The following URI1 variants were observed in gnomAD, a reference collection of about 807,000 sequenced individuals.
The protein encoded by URI1 is URI1 prefoldin like chaperone.
URI1 carries 39 observed loss-of-function variants against 60.2 expected under a neutral mutation model. The ratio of observed to expected loss-of-function variants is 0.65; its 90% CI spans 0.50 to 0.85. URI1 has a LOEUF of 0.85. Among genes scored for constraint, URI1 ranks in the 40% least tolerant of loss-of-function variants. The pLI, the probability that URI1 is intolerant of heterozygous loss-of-function variation, is 0.00. For synonymous variants in URI1, 251 were observed against 236.8 expected, an observed-to-expected ratio of 1.06 and a Z score of -0.55; for missense variants, 691 against 665.9, an observed-to-expected ratio of 1.04 and a Z score of -0.42.
At chr19:29,935,003 C>T (rs1435038223) in intron 1 of URI1, among the ~76,000 whole-genome samples, 5 of 152,182 alleles carry the variant, frequency 3.3e-5, no homozygotes, top group Non-Finnish European at 7.3e-5. Flanking sequence ...AGTCCATTTA[C>T]ATTTAAAGTA....
At chr19:29,984,377 T>C (rs868806237) in intron 2 of URI1, among the ~76,000 whole-genome samples, 4 of 152,054 alleles carry the variant, frequency 2.6e-5, no homozygotes, top group Middle Eastern at 3.2e-3. Flanking sequence ...TGCAGTGAGC[T>C]GAGATTGTGC....
At chr19:30,005,531 C>A in intron 5 of URI1, 79 bp downstream of exon 5, 1 of 1,486,496 alleles carries the variant, frequency 6.7e-7, no homozygotes, top group Non-Finnish European at 9.1e-7. Flanking sequence ...AGCCAAGGAA[C>A]AAATTAATTG....
At chr19:29,948,016 C>T (rs168035) in intron 1 of URI1, among the ~76,000 whole-genome samples, 3,790 of 152,264 alleles carry the variant, frequency 0.025, 167 homozygotes, top group African/African-American at 0.086. Context: ...GTTGTCCCAT[C>T]AGCATTTATT....
chr19:30,014,963 C>G lies in URI1; in HGVS notation c.1502C>G (p.Ala501Gly). 1 of 1,613,848 alleles carries G rather than the reference C, an allele frequency of 6.2e-7. No individual in the cohort carries two copies. Among genetic ancestry groups the G allele is most frequent in the Non-Finnish European group, 8.5e-7 (1 of 1,179,780 alleles). ...CCACCCCCAGCCATTGCTCATCCCG[C>G]ACTACCCACTATTCCAGAACGAAAG... ...LTPPPAIAHP[A>G]LPTIPERKEV... Residue 501 changes from alanine to glycine, a missense_variant, in exon 11 of 11, where the codon GCA becomes GGA. Coordinates refer to ENST00000392271, the MANE Select transcript of URI1 (RefSeq NM_003796.3).
Position 30,015,213 on chromosome 19 carries a change from G to A in URI1, c.*144G>A. 7.0e-7 allele frequency: 1 copy of A among 1,418,970 alleles called. No individual in the cohort carries two copies. Among genetic ancestry groups the A allele is most frequent in the Non-Finnish European group, 9.2e-7 (1 of 1,089,222 alleles). The allele number at this position is 1,418,970 out of a possible 1,614,324, so 87.9% of individuals were successfully genotyped here. On this transcript the variant is annotated 3_prime_UTR_variant, in exon 11 of 11. Transcript: ENST00000392271. Reference sequence around the variant, plus strand: ...ACAAGTTCTTTTACCCTTACCCGTGGTATTTGAAAAAAATCAAGGTAACTG... The same window carrying A: ...ACAAGTTCTTTTACCCTTACCCGTGATATTTGAAAAAAATCAAGGTAACTG...
chr19:30,000,691 TC>T (rs1161231526), intron 4 of URI1, among the ~76,000 whole-genome samples: 1 of 151,968 alleles, frequency 6.6e-6, no homozygotes, highest in Non-Finnish European at 1.5e-5. Context: ...GCTTTGAGAT[TC>T]CTTTTTGGTC....
chr19:29,940,154 G>T (rs572653855), upstream of URI1, among the ~76,000 whole-genome samples: 114 of 152,288 alleles, frequency 7.5e-4, 1 homozygote, highest in Admixed American at 7.4e-3. Context: ...GGTTGATTCA[G>T]CCCTGGATCA....
At chr19:29,997,788 T>A (rs1183704059) in intron 4 of URI1, among the ~76,000 whole-genome samples, 1 of 152,094 alleles carries the variant, frequency 6.6e-6, no homozygotes, top group Non-Finnish European at 1.5e-5. Flanking sequence ...TGAGACAGAG[T>A]CTCACTCACT....
upstream of URI1, among the ~76,000 whole-genome samples, chr19:29,941,628 A>T (rs4805505): frequency 0.77 from 105,042 of 136,216 alleles, 40,617 homozygotes; most frequent in Non-Finnish European, 0.85. Context: ...CTCTTAAAAA[A>T]AAAAAAAAAA....
intron 4 of URI1, among the ~76,000 whole-genome samples, chr19:29,989,565 G>A (rs1213919340): frequency 2.0e-5 from 3 of 151,648 alleles, no homozygotes; most frequent in East Asian, 1.9e-4. Flanking sequence ...TGAGATTACA[G>A]GTGCGTACCA....
At chr19:29,972,078 G>C (rs1464899674) in intron 2 of URI1, among the ~76,000 whole-genome samples, 1 of 152,008 alleles carries the variant, frequency 6.6e-6, no homozygotes, top group Non-Finnish European at 1.5e-5. Context: ...GATCTCCAAG[G>C]AAATAATTTA....
intron 1 of URI1, among the ~76,000 whole-genome samples, chr19:29,947,652 T>A (rs146151239): frequency 6.6e-6 from 1 of 152,358 alleles, no homozygotes; most frequent in Admixed American, 6.5e-5. Flanking sequence ...GTTAACTACT[T>A]TCTATTGGGA....
chr19:29,961,977 G>A (rs2055331505), intron 1 of URI1, among the ~76,000 whole-genome samples: 1 of 152,124 alleles, frequency 6.6e-6, no homozygotes, highest in African/African-American at 2.4e-5. Context: ...GTGCCACTGC[G>A]CCCGGCTGCT....
At chr19:29,970,126 GTATTTTTTTTTT>G (rs2055440084) in intron 1 of URI1, among the ~76,000 whole-genome samples, 1 of 98,268 alleles carries the variant, frequency 1.0e-5, no homozygotes, top group Admixed American at 1.0e-4. Context: ...AAAATCGTGT[GTATTTTTTTTTT>G]TTTTTTTTTT....
At chr19:30,011,389 C>T (rs975209837) in intron 9 of URI1, among the ~76,000 whole-genome samples, 153 bp downstream of exon 9, 2 of 151,698 alleles carry the variant, frequency 1.3e-5, no homozygotes, top group Non-Finnish European at 2.9e-5. Flanking sequence ...ATAGGCTGAC[C>T]GGCTGTAGCT....
chr19:29,979,047 A>G (rs996013692), intron 2 of URI1, among the ~76,000 whole-genome samples: 1 of 152,178 alleles, frequency 6.6e-6, no homozygotes, highest in Non-Finnish European at 1.5e-5. Flanking sequence ...TTTAATTGCT[A>G]CTGTAATTAA....
chr19:29,968,045 A>G (rs2055411129), intron 1 of URI1, among the ~76,000 whole-genome samples: 1 of 152,192 alleles, frequency 6.6e-6, no homozygotes. Context: ...ACTCCTAAAT[A>G]GTGGTAAATC....
intron 1 of URI1, among the ~76,000 whole-genome samples, chr19:29,965,904 A>G (rs570943664): frequency 8.5e-5 from 13 of 152,362 alleles, no homozygotes; most frequent in Admixed American, 5.9e-4. Context: ...ATTGGCATAC[A>G]GGAAAAAATG....
intron 2 of URI1, among the ~76,000 whole-genome samples, chr19:29,981,612 G>C (rs2055598879): frequency 6.6e-6 from 1 of 151,958 alleles, no homozygotes; most frequent in South Asian, 2.1e-4. Context: ...TTCTTGTTTT[G>C]TATAAGGAAT....
Sources: allele counts gnomAD v4.1 joint callset (sites outside exome capture counted in the v4.1 genomes callset), GRCh38; gene constraint gnomAD v4.1.1; transcripts MANE v1.5; gene names NCBI Gene and HGNC (gene_info 2026-07-23, HGNC 2026-07-21).